Variants in KIF1B observed in about 807,000 individuals in gnomAD.
The protein encoded by KIF1B is kinesin family member 1B, also known as kinesin-like protein KIF1B.
A neutral mutation model predicts 241.9 loss-of-function variants in KIF1B; 76 were observed. The observed-to-expected ratio is 0.31, with a 90% CI of 0.26 to 0.38. The LOEUF (loss-of-function observed/expected upper bound fraction) is 0.38, where lower values mean the gene tolerates loss of function less well. KIF1B is among the 10% of genes least tolerant of loss of function. The probability of loss-of-function intolerance (pLI) is 1.00; values close to 1 mark genes in which losing one functional copy is unlikely to be tolerated. For missense variants in KIF1B, 1,622 were observed against 2,271.4 expected, an observed-to-expected ratio of 0.71 and a Z score of 5.81; for synonymous variants, 750 against 796.7, an observed-to-expected ratio of 0.94 and a Z score of 0.99.
intron 1 of KIF1B, among the ~76,000 whole-genome samples, chr1:10,223,625 C>T (rs1480809617): frequency 6.7e-6 from 1 of 149,602 alleles, no homozygotes; most frequent in Admixed American, 6.7e-5. Context: ...TGGCTCACTG[C>T]AACCTCTGCC....
At chr1:10,233,037 T>G (rs1647002553) in intron 2 of KIF1B, among the ~76,000 whole-genome samples, 1 of 152,168 alleles carries the variant, frequency 6.6e-6, no homozygotes, top group Non-Finnish European at 1.5e-5. Flanking sequence ...AAAATAGAGG[T>G]AGGCTCTACT....
chr1:10,211,538 T>C (rs1646693592), intron 1 of KIF1B: 1 of 152,138 alleles, frequency 6.6e-6, no homozygotes, highest in Admixed American at 6.5e-5. Context: ...CCAAGTCCAG[T>C]TGTTGGAAGG....
intron 1 of KIF1B, among the ~76,000 whole-genome samples, chr1:10,226,530 AGTTTT>A (rs1260318239): frequency 6.6e-6 from 1 of 152,172 alleles, no homozygotes; most frequent in Non-Finnish European, 1.5e-5. Flanking sequence ...AAAAGAAAAA[AGTTTT>A]GTTTTGTTTT....
chr1:10,308,224 G>C (rs141229777), intron 22 of KIF1B: 26,288 of 1,061,348 alleles, frequency 0.025, 394 homozygotes, highest in Non-Finnish European at 0.028. Flanking sequence ...CTTAATGAAG[G>C]GGCCGTCTTA....
In KIF1B at chr1:10,336,752, C is replaced by T. The variant is rs775083594; in HGVS notation, c.3129+10C>T. ...TGAATACTTTAATCAGGTGAGAAAC[C>T]GTCAGGAAGAAGGAAAACCCTGTGG... On this transcript the variant is annotated intron_variant, in intron 29 of 48. Transcript: ENST00000676179. The T allele has an allele frequency of 1.2e-5, 20 of 1,600,164 alleles. No individual in the cohort carries two copies. Among genetic ancestry groups the T allele is most frequent in the African/African-American group, 2.7e-5 (2 of 74,570 alleles).
At chr1:10,226,352 A>C (rs755002266) in intron 1 of KIF1B, among the ~76,000 whole-genome samples, 2 of 152,190 alleles carry the variant, frequency 1.3e-5, no homozygotes, top group Non-Finnish European at 2.9e-5. Flanking sequence ...TAGTCTATAG[A>C]AAAATGTATG....
chr1:10,265,530 C>T (rs527986539), intron 5 of KIF1B, among the ~76,000 whole-genome samples: 1 of 152,110 alleles, frequency 6.6e-6, no homozygotes, highest in African/African-American at 2.4e-5. Context: ...GCCACCATGC[C>T]CAGCCTTTAA....
Position 10,303,772 on chromosome 1 carries a change from T to A in KIF1B, c.2115+6526T>A. ...GGAAAAAGTCTTGCCACTGATCGGA[T>A]CTCAGGAACAGAAAAGCCCAGGAAG... is the stretch of plus-strand genomic sequence containing the variant. On this transcript the variant is annotated intron_variant, in intron 22 of 48. Transcript: ENST00000676179. The surrounding 1 kb of genome is among the most constrained non-coding windows in gnomAD (Gnocchi z 5.2). 1 of 1,614,078 alleles carries A rather than the reference T, an allele frequency of 6.2e-7. No homozygotes were observed. The highest frequency in any genetic ancestry group is 8.5e-7 in the Non-Finnish European group (1 of 1,180,000).
chr1:10,238,359 C>T (rs925645488), intron 2 of KIF1B, among the ~76,000 whole-genome samples: 9 of 119,538 alleles, frequency 7.5e-5, no homozygotes, highest in African/African-American at 3.3e-4. Context: ...CCATCCTGGG[C>T]GACAAGAGCA....
chr1:10,219,666 G>T (rs567395255), intron 1 of KIF1B, among the ~76,000 whole-genome samples: 12 of 152,078 alleles, frequency 7.9e-5, no homozygotes, highest in African/African-American at 2.7e-4. Context: ...GCTGAGGCAG[G>T]AGAATCACTT....
intron 22 of KIF1B, chr1:10,307,995 CCT>C: frequency 9.5e-7 from 1 of 1,057,128 alleles, no homozygotes; most frequent in Non-Finnish European, 1.1e-6. Flanking sequence ...CTTGAAGTGA[CCT>C]TTTGTGCTTT....
At chr1:10,350,737 C>T (rs528185251) in intron 37 of KIF1B, among the ~76,000 whole-genome samples, 2 of 152,082 alleles carry the variant, frequency 1.3e-5, no homozygotes, top group South Asian at 4.2e-4. Flanking sequence ...TAATTTTTTT[C>T]CCCATCCAAG....
In KIF1B at chr1:10,376,599, G is replaced by A. The variant is rs372449146; in HGVS notation, c.*12G>A. 4 of 1,613,564 alleles carry A rather than the reference G, an allele frequency of 2.5e-6. No individual in the cohort carries two copies. Among genetic ancestry groups the A allele is most frequent in the Admixed American group, 1.7e-5 (1 of 59,992 alleles). On this transcript the variant is annotated 3_prime_UTR_variant, in exon 49 of 49. Transcript: ENST00000676179. Reference sequence around the variant, plus strand: ...AGTCGAAATACTAAGTGACTCTGCCGAGTGCCCTCACTCGCCTTCGAGAGA... The same window carrying A: ...AGTCGAAATACTAAGTGACTCTGCCAAGTGCCCTCACTCGCCTTCGAGAGA...
At chr1:10,226,771 A>AGCCTGGGCAACATAGCGAAACCC (rs1646913414) in intron 1 of KIF1B, among the ~76,000 whole-genome samples, 1 of 152,102 alleles carries the variant, frequency 6.6e-6, no homozygotes, top group Non-Finnish European at 1.5e-5. Context: ...GTTCGAGACC[A>AGCCTGGGCAACATAGCGAAACCC]GCCTGGGCAA....
At position 10,361,674 on chromosome 1, in the gene KIF1B, T is replaced by A. The variant is rs769090614; in HGVS notation, c.4171-18T>A. 1 of 1,613,410 alleles carries A rather than the reference T, an allele frequency of 6.2e-7. No individual in the cohort carries two copies. Among genetic ancestry groups the A allele is most frequent in the South Asian group, 1.1e-5 (1 of 91,086 alleles). ...ACTCTGCCTGCACTTCATCAGCACCTACCCTGTCTGCTTTCAGCTGGATCA... is the reference window on the plus strand; with the variant it reads ...ACTCTGCCTGCACTTCATCAGCACCAACCCTGTCTGCTTTCAGCTGGATCA... On this transcript the variant is annotated intron_variant, in intron 39 of 48. Transcript: ENST00000676179.
In KIF1B at chr1:10,307,772, G is replaced by A. The variant is rs1013749944; in HGVS notation, c.2115+10526G>A. The A allele has an allele frequency of 5.0e-5, 52 of 1,035,590 alleles. 1 individual carries two copies. The African/African-American group carries it at 7.4e-4, about 15-fold the overall frequency. The allele number at this position is 1,035,590 out of a possible 1,614,324, so 64.2% of individuals were successfully genotyped here. ...TTCTATTGAAGTTATGTAATGATCC[G>A]ACATTAATGGGAATATAGAGGAGTC... On this transcript the variant is annotated intron_variant, in intron 22 of 48. Coordinates refer to ENST00000676179, the MANE Select transcript of KIF1B (RefSeq NM_001365951.3).
intron 15 of KIF1B, among the ~76,000 whole-genome samples, chr1:10,285,271 A>T (rs753847556): frequency 6.6e-6 from 1 of 152,324 alleles, no homozygotes; most frequent in Middle Eastern, 3.4e-3. Context: ...TAGCTCTTAC[A>T]CTTGAGATTA....
chr1:10,257,118 T>G, intron 3 of KIF1B, among the ~76,000 whole-genome samples: 1 of 151,046 alleles, frequency 6.6e-6, no homozygotes, highest in Admixed American at 6.6e-5. Context: ...TTTTTTTTTG[T>G]TTGTTTGTTT....
At chr1:10,221,711 TTTAAA>T (rs1345426148) in intron 1 of KIF1B, among the ~76,000 whole-genome samples, 10 of 152,336 alleles carry the variant, frequency 6.6e-5, no homozygotes, top group Admixed American at 3.3e-4. Flanking sequence ...ATATTCATTC[TTTAAA>T]TTATAATTCA....
Sources: gnomAD v4.1 joint callset for allele counts (sites outside exome capture counted in the v4.1 genomes callset) on GRCh38, gnomAD v4.1.1 for gene constraint, Gnocchi (gnomAD v3.1) non-coding constraint, MANE v1.5 for transcripts, NCBI Gene and HGNC (gene_info 2026-07-23, HGNC 2026-07-21) for gene names.